FRMPD2: variants seen among roughly 807,000 people sequenced by gnomAD.
The protein encoded by FRMPD2 is FERM and PDZ domain containing 2.
A neutral mutation model predicts 140.1 loss-of-function variants in FRMPD2; 96 were observed. The ratio of observed to expected loss-of-function variants is 0.69; its 90% confidence interval spans 0.58 to 0.81. FRMPD2 has a LOEUF of 0.81. Ranked by LOEUF, FRMPD2 falls within the 40% of genes least tolerant of loss-of-function variation. FRMPD2 has a pLI of 0.00. For synonymous variants in FRMPD2, 449 were observed against 547.6 expected, an observed-to-expected ratio of 0.82 and a Z score of 2.52; for missense variants, 1,240 against 1,447.4, an observed-to-expected ratio of 0.86 and a Z score of 2.32.
chr10:48,193,109 C>T (rs967719319), intron 15 of FRMPD2, among the ~76,000 whole-genome samples: 3 of 152,184 alleles, frequency 2.0e-5, no homozygotes, highest in African/African-American at 4.8e-5. Flanking sequence ...AAGGAAGAGA[C>T]GAGATGCTCT....
chr10:48,159,260 G>T (rs781868534), intron 28 of FRMPD2: 2 of 455,378 alleles, frequency 4.4e-6, no homozygotes, highest in South Asian at 3.1e-5. Context: ...AAGTAAACAA[G>T]TTCAACGGAC....
At chr10:48,182,965 G>T (rs1427817127) in intron 20 of FRMPD2, among the ~76,000 whole-genome samples, 3 of 152,214 alleles carry the variant, frequency 2.0e-5, no homozygotes, top group African/African-American at 7.2e-5. Context: ...CCAGAGACTG[G>T]CATTGGAGAT....
intron 3 of FRMPD2, among the ~76,000 whole-genome samples, chr10:48,246,194 G>A (rs1036894572): frequency 6.6e-6 from 1 of 152,148 alleles, no homozygotes; most frequent in Non-Finnish European, 1.5e-5. Context: ...TGCAGTGACT[G>A]CCACCCGCAA....
At chr10:48,194,812 G>A (rs554394149) in intron 15 of FRMPD2, among the ~76,000 whole-genome samples, 1 of 152,222 alleles carries the variant, frequency 6.6e-6, no homozygotes, top group East Asian at 1.9e-4. Flanking sequence ...CAGTGTCATC[G>A]CCACGCCTCA....
intron 12 of FRMPD2, among the ~76,000 whole-genome samples, chr10:48,218,880 C>T (rs1405754028): frequency 6.6e-6 from 1 of 152,162 alleles, no homozygotes. Context: ...GAGAAAGAAC[C>T]AGAACCCTTC....
Position 48,244,818 on chromosome 10 carries a change from T to C in FRMPD2, c.341A>G (p.Tyr114Cys), listed in dbSNP as rs1840207516. Residue 114 changes from tyrosine to cysteine, a missense_variant, in exon 4 of 29, where the codon TAC (tyrosine) becomes TGC (cysteine). This residue lies in a region of FRMPD2 where 1,161 missense variants were observed against 1,055.9 expected (regional missense o/e 1.10). Coordinates refer to ENST00000374201, the MANE Select transcript of FRMPD2 (RefSeq NM_001018071.4). ...CGGAACATGAAACCCTGCTGACCAG[T>C]AGAGGGTCATTCCTAAAGAATAGAC... ...MHVYSLGMTLYWSAGFHVPPH... is the reference protein window; with the variant it reads ...MHVYSLGMTLCWSAGFHVPPH... 1 of 1,613,348 alleles carries C rather than the reference T, an allele frequency of 6.2e-7. No individual in the cohort carries two copies.
At chr10:48,241,965 G>A in intron 5 of FRMPD2, 196 bp downstream of exon 5, 1 of 409,500 alleles carries the variant, frequency 2.4e-6, no homozygotes. Flanking sequence ...GCAATGACAA[G>A]AATGTTCTAG....
chr10:48,158,116 G>T (rs551833059), intron 28 of FRMPD2, among the ~76,000 whole-genome samples: 1 of 151,446 alleles, frequency 6.6e-6, no homozygotes, highest in East Asian at 1.9e-4. Flanking sequence ...CCAGCTACTG[G>T]CTCTGCCTGG....
At chr10:48,244,738 C>A in intron 4 of FRMPD2, 46 bp downstream of exon 4, 1 of 1,464,660 alleles carries the variant, frequency 6.8e-7, no homozygotes, top group Non-Finnish European at 9.6e-7. Flanking sequence ...ACTAAATAAA[C>A]CCAGAGACAC....
rs371167771 is a variant in FRMPD2 at position 48,255,380 on chromosome 10, C to T, written c.26-3689G>A. Among the ~76,000 whole-genome samples the T allele has an allele frequency of 6.6e-5, 10 of 152,208 alleles. No individual in the cohort carries two copies. The East Asian group carries it at 1.9e-3, about 29-fold the overall frequency. ...CTCGGGCTAGAATCTTTTCCCTGCCCTTGATCTTTAGTGCTTCCACTTGGG... is the reference window on the plus strand; with the variant it reads ...CTCGGGCTAGAATCTTTTCCCTGCCTTTGATCTTTAGTGCTTCCACTTGGG... On this transcript the variant is annotated intron_variant, in intron 1 of 28. Transcript: ENST00000374201.
chr10:48,206,082 C>G (rs1395971956), intron 14 of FRMPD2, among the ~76,000 whole-genome samples: 2 of 152,162 alleles, frequency 1.3e-5, no homozygotes, highest in Non-Finnish European at 2.9e-5. Flanking sequence ...AACCACAGGA[C>G]AGGCAGAGGC....
At chr10:48,175,553 GTATGTT>G (rs1838384673) in intron 23 of FRMPD2, among the ~76,000 whole-genome samples, 2 of 151,566 alleles carry the variant, frequency 1.3e-5, no homozygotes, top group Admixed American at 1.3e-4. Flanking sequence ...AAGGGAAGCA[GTATGTT>G]TTCCCATGGA....
At chr10:48,219,226 C>A (rs1588836962) in intron 12 of FRMPD2, among the ~76,000 whole-genome samples, 1 of 136,238 alleles carries the variant, frequency 7.3e-6, no homozygotes, top group African/African-American at 3.2e-5. Context: ...GTTAACATTT[C>A]TTTCTTTCTT....
intron 27 of FRMPD2, among the ~76,000 whole-genome samples, chr10:48,164,431 A>G (rs1246465066): frequency 6.6e-6 from 1 of 150,656 alleles, no homozygotes; most frequent in Admixed American, 6.6e-5. Flanking sequence ...TGTAGGAATC[A>G]TGATTTTACC....
intron 1 of FRMPD2, among the ~76,000 whole-genome samples, chr10:48,263,210 T>C (rs1260494329): frequency 1.3e-5 from 2 of 152,222 alleles, no homozygotes; most frequent in Non-Finnish European, 1.5e-5. Flanking sequence ...TATATTAGAA[T>C]AGAAGAAAGA....
intron 1 of FRMPD2, among the ~76,000 whole-genome samples, chr10:48,261,215 G>T (rs1344303965): frequency 1.3e-5 from 2 of 151,936 alleles, no homozygotes; most frequent in Non-Finnish European, 2.9e-5. Context: ...AGGTGGAAAA[G>T]AATAGAAAAA....
chr10:48,232,838 C>A (rs1420237718), intron 9 of FRMPD2, among the ~76,000 whole-genome samples: 2 of 152,218 alleles, frequency 1.3e-5, no homozygotes, highest in Non-Finnish European at 2.9e-5. Flanking sequence ...AAAGAGCCTC[C>A]AGAGTCTGCC....
At position 48,162,918 on chromosome 10, in the gene FRMPD2, T is replaced by TAA. The variant is rs71023202; in HGVS notation, c.3881+408_3881+409dup. Among the ~76,000 whole-genome samples, 247 of 98,916 alleles carry TAA rather than the reference T, an allele frequency of 2.5e-3. 2 individuals are homozygous for TAA. The highest frequency in any genetic ancestry group is 8.9e-3 in the African/African-American group (219 of 24,684). The allele number at this position is 98,916 out of a possible 152,430, so 64.9% of individuals were successfully genotyped here. A position where few individuals can be genotyped will look rare whatever the true frequency, so the allele number is the denominator to read the frequency against. Reference sequence around the variant, plus strand: ...GGGCAACATAGTAAGACCCCATCTTTAAAAAAAAAAAAAAAAAAAAAAGCT... The same window carrying TAA: ...GGGCAACATAGTAAGACCCCATCTTTAAAAAAAAAAAAAAAAAAAAAAAAGCT... On this transcript the variant is annotated intron_variant, in intron 28 of 28. Coordinates refer to ENST00000374201, the MANE Select transcript of FRMPD2 (RefSeq NM_001018071.4).
chr10:48,232,173 G>A lies in FRMPD2; in HGVS notation c.1110C>T (p.Ala370=), dbSNP rs377736096. The A allele has an allele frequency of 3.7e-5, 59 of 1,614,048 alleles. No homozygotes were observed. Among genetic ancestry groups the A allele is most frequent in the Non-Finnish European group, 4.8e-5 (57 of 1,180,032 alleles). ...CCTCGAGGTTGGCAAAGGATGTCAC[G>A]GCATTGAAGACAGCTCCCACTGTTG... ...VESTVGAVFN[A]VTSFANLEEL... The change falls in exon 10 of 29, where the codon GCC becomes GCT. Residue 370 remains alanine, a synonymous_variant. Coordinates refer to ENST00000374201, the MANE Select transcript of FRMPD2 (RefSeq NM_001018071.4).
Sources: allele counts gnomAD v4.1 joint callset (sites outside exome capture counted in the v4.1 genomes callset), GRCh38; gene constraint gnomAD v4.1.1; regional missense constraint gnomAD v4.1.1; transcripts MANE v1.5; gene names NCBI Gene and HGNC (gene_info 2026-07-23, HGNC 2026-07-21).